The following ADAMTS9 variants were observed in gnomAD, a reference collection of about 807,000 sequenced individuals.
ADAMTS9 encodes A disintegrin and metalloproteinase with thrombospondin motifs 9.
ADAMTS9 carries 107 observed loss-of-function variants against 257.1 expected under a neutral mutation model. The observed-to-expected ratio is 0.42, with a 90% confidence interval of 0.36 to 0.49. ADAMTS9 has a LOEUF of 0.49. Ranked by LOEUF, ADAMTS9 falls within the 20% of genes least tolerant of loss-of-function variation. ADAMTS9 has a pLI of 0.03. For synonymous variants in ADAMTS9, 982 were observed against 880.9 expected, an observed-to-expected ratio of 1.11 and a Z score of -2.03; for missense variants, 2,353 against 2,469.1, an observed-to-expected ratio of 0.95 and a Z score of 1.00.
intron 30 of ADAMTS9, among the ~76,000 whole-genome samples, chr3:64,552,910 A>T (rs977597028): frequency 1.5e-4 from 22 of 151,634 alleles, no homozygotes; most frequent in Admixed American, 6.6e-5. Context: ...AGAACTACAG[A>T]CCCCACCTCT....
chr3:64,630,497 A>G (rs1008819695), intron 16 of ADAMTS9, among the ~76,000 whole-genome samples: 1 of 152,188 alleles, frequency 6.6e-6, no homozygotes, highest in Admixed American at 6.5e-5. Context: ...GGATCACTTG[A>G]GCCTGGGAGG....
chr3:64,633,381 G>A (rs760821471), intron 14 of ADAMTS9, 91 bp downstream of exon 14: 60 of 1,553,130 alleles, frequency 3.9e-5, no homozygotes, highest in Non-Finnish European at 5.0e-5. Flanking sequence ...ACAGTGCACA[G>A]ATACTAGCAG....
At chr3:64,537,184 T>G (rs969498766) in intron 37 of ADAMTS9, among the ~76,000 whole-genome samples, 6 of 152,208 alleles carry the variant, frequency 3.9e-5, no homozygotes, top group African/African-American at 9.6e-5. Flanking sequence ...CTCTCAAGCT[T>G]TGGGTTTTCT....
At chr3:64,654,724 G>C in intron 6 of ADAMTS9, 112 bp from the exon 7 acceptor site, 2 of 1,170,860 alleles carry the variant, frequency 1.7e-6, no homozygotes, top group Non-Finnish European at 2.4e-6. Flanking sequence ...TGGGGTGGGG[G>C]TTAAAAAAAG....
At chr3:64,667,554 GAGGGTCCCCTCAATACCTTCTA>G (rs1290471938) in intron 3 of ADAMTS9, among the ~76,000 whole-genome samples, 4 of 152,152 alleles carry the variant, frequency 2.6e-5, no homozygotes, top group African/African-American at 9.7e-5. Context: ...GAAGGTGTCT[GAGGGTCCCCTCAATACCTTCTA>G]AGGGGGTGGG....
chr3:64,563,352 T>A (rs1355829224), intron 29 of ADAMTS9: 1 of 152,208 alleles, frequency 6.6e-6, no homozygotes, highest in Non-Finnish European at 1.5e-5. Context: ...TTTGGGGTCT[T>A]AAATATAAAA....
intron 3 of ADAMTS9, among the ~76,000 whole-genome samples, chr3:64,659,473 C>CAAAA (rs60660621): frequency 5.5e-5 from 5 of 90,658 alleles, no homozygotes; most frequent in Non-Finnish European, 1.1e-4. Flanking sequence ...CTGTCTCAAA[C>CAAAA]AAAAAAAAAA....
chr3:64,565,753 T>C (rs1209237627), intron 29 of ADAMTS9: 2 of 152,252 alleles, frequency 1.3e-5, no homozygotes, highest in East Asian at 1.9e-4. Flanking sequence ...TAAAAGTTCA[T>C]AGGCATTCCT....
rs1700374905 is a variant in ADAMTS9 at position 64,631,882 on chromosome 3, T to TCTCTCC, written c.2213_2218dup (p.Arg739_Asp740insGlyArg). ...ATCGCCACCACAAACCCCACATTTA[T>TCTCTCC]CTCTCCGGGCTTTTGAGTTTAAAAC... On this transcript the variant is annotated inframe_insertion, in exon 15 of 40. Transcript: ENST00000498707. The TCTCTCC allele has an allele frequency of 6.2e-7, 1 of 1,613,916 alleles. No homozygotes were observed. Among genetic ancestry groups the TCTCTCC allele is most frequent in the South Asian group, 1.1e-5 (1 of 91,086 alleles).
intron 37 of ADAMTS9, 87 bp from the exon 38 acceptor site, chr3:64,533,357 T>G: frequency 9.7e-7 from 1 of 1,027,526 alleles, no homozygotes; most frequent in East Asian, 2.4e-5. Context: ...TAAAAGGTAC[T>G]TTGGAAAAGA....
chr3:64,607,465 A>T (rs2084579202), intron 22 of ADAMTS9, among the ~76,000 whole-genome samples: 2 of 152,208 alleles, frequency 1.3e-5, no homozygotes, highest in South Asian at 4.1e-4. Flanking sequence ...ATCCTGAAGA[A>T]ATAACTGGAG....
intron 31 of ADAMTS9, among the ~76,000 whole-genome samples, chr3:64,547,514 T>TTG (rs1418746721): frequency 8.1e-6 from 1 of 123,360 alleles, no homozygotes; most frequent in African/African-American, 3.3e-5. Flanking sequence ...GGCTATAGAT[T>TTG]TTTTTTTTTT....
chr3:64,551,839 A>G (rs1266880740), intron 30 of ADAMTS9, among the ~76,000 whole-genome samples: 1 of 152,206 alleles, frequency 6.6e-6, no homozygotes, highest in Non-Finnish European at 1.5e-5. Context: ...AGCATAAAGG[A>G]AAGTTTCAGC....
chr3:64,653,702 C>T (rs1464445969), intron 8 of ADAMTS9, among the ~76,000 whole-genome samples: 1 of 152,098 alleles, frequency 6.6e-6, no homozygotes, highest in Admixed American at 6.5e-5. Flanking sequence ...CAGATCAAAA[C>T]TCAGAATAAT....
intron 28 of ADAMTS9, among the ~76,000 whole-genome samples, chr3:64,576,512 A>G (rs2083852022): frequency 6.6e-6 from 1 of 152,196 alleles, no homozygotes; most frequent in Non-Finnish European, 1.5e-5. Context: ...GGAAAAATGG[A>G]GAGAAAGCTT....
intron 23 of ADAMTS9, among the ~76,000 whole-genome samples, chr3:64,606,045 T>A (rs2084550932): frequency 1.3e-5 from 2 of 152,196 alleles, no homozygotes; most frequent in African/African-American, 2.4e-5. Flanking sequence ...ATTTTCTTTA[T>A]GTTTAAGGGT....
chr3:64,547,077 G>T, intron 31 of ADAMTS9, 125 bp from the exon 32 acceptor site: 1 of 838,506 alleles, frequency 1.2e-6, no homozygotes, highest in Non-Finnish European at 1.8e-6. Context: ...CACTTCATTA[G>T]CTTATTTATT....
chr3:64,633,648 G>A (rs1261199151), intron 13 of ADAMTS9, 40 bp from the exon 14 acceptor site: 7 of 1,613,746 alleles, frequency 4.3e-6, no homozygotes, highest in Non-Finnish European at 5.9e-6. Context: ...TTTGTGCCTG[G>A]CCTCAGTGCC....
Position 64,622,450 on chromosome 3 carries a change from T to C in ADAMTS9, c.2526A>G (p.Thr842=). The change falls in exon 17 of 40, where the codon ACA becomes ACG. Residue 842 remains threonine (T), a synonymous_variant. Coordinates refer to ENST00000498707, the MANE Select transcript of ADAMTS9 (RefSeq NM_182920.2). ...GCAAAAGTTCTTGCTCAATGCGATCTGTTGAGTTAATTCTTTCTACGGCAG... is the reference window on the plus strand; with the variant it reads ...GCAAAAGTTCTTGCTCAATGCGATCCGTTGAGTTAATTCTTTCTACGGCAG... The part of the protein sequence containing the change: ...SETAVERINS[T]DRIEQELLLQ... 2 of 1,614,062 alleles carry C rather than the reference T, an allele frequency of 1.2e-6. No individual in the cohort carries two copies. The highest frequency in any genetic ancestry group is 1.7e-6 in the Non-Finnish European group (2 of 1,179,986).
Sources: gnomAD v4.1 joint callset for allele counts (sites outside exome capture counted in the v4.1 genomes callset) on GRCh38, gnomAD v4.1.1 for gene constraint, MANE v1.5 for transcripts, NCBI Gene and HGNC (gene_info 2026-07-23, HGNC 2026-07-21) for gene names.